The following TMEM238L variants were observed in gnomAD, a reference collection of about 807,000 sequenced individuals.
The protein encoded by TMEM238L is transmembrane protein 238 like, also known as transmembrane protein 238-like.
exon 1 of TMEM238L, chr17:10,804,089 CT>C: frequency 2.5e-6 from 1 of 398,772 alleles, no homozygotes; most frequent in Non-Finnish European, 4.4e-6. Flanking sequence ...GCTGGCGCTT[CT>C]TGGAGCCACA....
chr17:10,801,708 G>A (rs945378887), intron 1 of TMEM238L, among the ~76,000 whole-genome samples: 11 of 152,126 alleles, frequency 7.2e-5, no homozygotes, highest in African/African-American at 2.4e-4. Context: ...TTTTGTAAGT[G>A]TGAATCTTTG....
chr17:10,797,654 C>A (rs150256782), intron 1 of TMEM238L, among the ~76,000 whole-genome samples: 2 of 152,146 alleles, frequency 1.3e-5, no homozygotes, highest in African/African-American at 4.8e-5. Flanking sequence ...TCTGACCTCC[C>A]TCATTCCATG....
exon 1 of TMEM238L, chr17:10,803,772 G>C (rs1904817254): frequency 2.5e-6 from 1 of 399,560 alleles, no homozygotes; most frequent in Non-Finnish European, 4.4e-6. Context: ...GGGAATACCA[G>C]ATGATCCAGA....
chr17:10,796,222 T>C (rs1054926358), intron 1 of TMEM238L, among the ~76,000 whole-genome samples: 5 of 152,222 alleles, frequency 3.3e-5, no homozygotes, highest in African/African-American at 1.2e-4. Context: ...GCTTAATAAA[T>C]ATCAAGATTC....
At chr17:10,803,428 C>T (rs1284792877) in intron 1 of TMEM238L, among the ~76,000 whole-genome samples, 178 bp downstream of exon 1, 2 of 152,164 alleles carry the variant, frequency 1.3e-5, no homozygotes, top group Non-Finnish European at 2.9e-5. Context: ...GGAGAAAACA[C>T]CTGCCCCACG....
At chr17:10,803,426 C>T (rs577612864) in intron 1 of TMEM238L, among the ~76,000 whole-genome samples, 180 bp downstream of exon 1, 7 of 152,292 alleles carry the variant, frequency 4.6e-5, no homozygotes, top group African/African-American at 1.2e-4. Context: ...GAGGAGAAAA[C>T]ACCTGCCCCA....
chr17:10,798,714 G>A (rs554622694), intron 1 of TMEM238L, among the ~76,000 whole-genome samples: 7 of 151,730 alleles, frequency 4.6e-5, no homozygotes, highest in African/African-American at 1.7e-4. Context: ...GTAGGTGTGA[G>A]TGTGTGGGGG....
intron 1 of TMEM238L, 103 bp from the exon 2 acceptor site, chr17:10,796,051 A>G (rs1205016135): frequency 6.6e-6 from 1 of 152,180 alleles, no homozygotes; most frequent in Non-Finnish European, 1.5e-5. Flanking sequence ...GAGTTGCCAG[A>G]CGTAGGTTTG....
At chr17:10,797,007 G>T (rs1904569080) in intron 1 of TMEM238L, among the ~76,000 whole-genome samples, 2 of 152,220 alleles carry the variant, frequency 1.3e-5, no homozygotes, top group Non-Finnish European at 1.5e-5. Context: ...GAACGAGCCA[G>T]TCTGTGTTCC....
chr17:10,796,162 G>A (rs562168218), intron 1 of TMEM238L, among the ~76,000 whole-genome samples: 9 of 152,248 alleles, frequency 5.9e-5, no homozygotes, highest in East Asian at 5.8e-4. Flanking sequence ...TTTGAATCCC[G>A]CACTCACAGA....
chr17:10,803,053 G>C (rs1358736580), intron 1 of TMEM238L, among the ~76,000 whole-genome samples: 1 of 152,084 alleles, frequency 6.6e-6, no homozygotes, highest in Non-Finnish European at 1.5e-5. Context: ...GCATGGAGGC[G>C]AGTAGTCCCT....
At chr17:10,802,076 C>A (rs1176064355) in intron 1 of TMEM238L, among the ~76,000 whole-genome samples, 3 of 152,276 alleles carry the variant, frequency 2.0e-5, no homozygotes, top group East Asian at 3.9e-4. Context: ...AGTCACTGTG[C>A]CTGGTCCATG....
At chr17:10,804,079 G>A (rs1904829987) in exon 1 of TMEM238L, 1 of 400,134 alleles carries the variant, frequency 2.5e-6, no homozygotes, top group Admixed American at 4.4e-5. Flanking sequence ...AAATGAGCGA[G>A]CTGGCGCTTC....
At chr17:10,797,307 G>A (rs1040886082) in intron 1 of TMEM238L, among the ~76,000 whole-genome samples, 3 of 151,944 alleles carry the variant, frequency 2.0e-5, no homozygotes, top group Non-Finnish European at 4.4e-5. Context: ...CAACCCTAGG[G>A]CCTGGTTCAG....
At chr17:10,799,564 G>T (rs1331768928) in intron 1 of TMEM238L, among the ~76,000 whole-genome samples, 2 of 152,170 alleles carry the variant, frequency 1.3e-5, no homozygotes, top group Admixed American at 1.3e-4. Flanking sequence ...TGAATGCAGG[G>T]AGCCCACATT....
chr17:10,801,128 G>T (rs897539325), intron 1 of TMEM238L, among the ~76,000 whole-genome samples: 2 of 150,938 alleles, frequency 1.3e-5, no homozygotes, highest in African/African-American at 4.9e-5. Flanking sequence ...TCGGCTCACT[G>T]CAAGCTCCGC....
intron 1 of TMEM238L, among the ~76,000 whole-genome samples, chr17:10,798,792 G>T (rs531675208): frequency 3.3e-5 from 5 of 152,090 alleles, no homozygotes; most frequent in Admixed American, 3.3e-4. Flanking sequence ...TGGGGTGTTG[G>T]TGTGTGTGTA....
intron 1 of TMEM238L, among the ~76,000 whole-genome samples, chr17:10,799,589 C>T (rs1345999784): frequency 4.6e-5 from 7 of 152,210 alleles, no homozygotes; most frequent in African/African-American, 1.4e-4. Flanking sequence ...CCTTTTACCC[C>T]GCTCTGAGAA....
At chr17:10,803,855 T>C in exon 1 of TMEM238L, 1 of 399,738 alleles carries the variant, frequency 2.5e-6, no homozygotes, top group Non-Finnish European at 4.4e-6. Flanking sequence ...GGGGCCAAGA[T>C]CCCCAGCAGC....
Sources: gnomAD v4.1 joint callset for allele counts (sites outside exome capture counted in the v4.1 genomes callset) on GRCh38, gnomAD v4.1.1 for gene constraint, MANE v1.5 for transcripts, NCBI Gene and HGNC (gene_info 2026-07-23, HGNC 2026-07-21) for gene names.